The following TPD52 variants were observed in gnomAD, a reference collection of about 807,000 sequenced individuals.
TPD52 encodes prostate and colon associated protein.
A neutral mutation model predicts 31.3 loss-of-function variants in TPD52; 17 were observed. The observed-to-expected ratio is 0.54, with a 90% CI of 0.37 to 0.82. TPD52 has a LOEUF of 0.82. TPD52 is among the 40% of genes least tolerant of loss of function. The pLI, the probability that TPD52 is intolerant of heterozygous loss-of-function variation, is 0.00. For synonymous variants in TPD52, 83 were observed against 89.6 expected, an observed-to-expected ratio of 0.93 and a Z score of 0.42; for missense variants, 212 against 240.1, an observed-to-expected ratio of 0.88 and a Z score of 0.77.
intron 1 of TPD52, among the ~76,000 whole-genome samples, chr8:80,072,741 A>G (rs1349123970): frequency 2.1e-5 from 3 of 141,936 alleles, no homozygotes; most frequent in South Asian, 2.1e-4. Flanking sequence ...ATATATATAC[A>G]CACACATATA....
chr8:80,119,025 C>G (rs1273857373), intron 1 of TPD52, among the ~76,000 whole-genome samples: 2 of 152,154 alleles, frequency 1.3e-5, no homozygotes, highest in Non-Finnish European at 2.9e-5. Context: ...AAATGTCCAT[C>G]AACTGATGAC....
intron 1 of TPD52, among the ~76,000 whole-genome samples, chr8:80,104,930 C>T (rs1806998626): frequency 6.6e-6 from 1 of 151,850 alleles, no homozygotes; most frequent in Non-Finnish European, 1.5e-5. Context: ...CATGAGGGCG[C>T]ACACCTGTAA....
At chr8:80,135,575 G>A (rs556470197) in intron 1 of TPD52, among the ~76,000 whole-genome samples, 107 of 151,842 alleles carry the variant, frequency 7.0e-4, no homozygotes, top group South Asian at 2.3e-3. Flanking sequence ...TCAGTGTGGC[G>A]ATTCCTCAGG....
intron 1 of TPD52, among the ~76,000 whole-genome samples, chr8:80,097,962 G>A (rs1806456881): frequency 6.6e-6 from 1 of 152,138 alleles, no homozygotes; most frequent in African/African-American, 2.4e-5. Flanking sequence ...CATTTCAAAA[G>A]TTCTAAAGCC....
intron 1 of TPD52, among the ~76,000 whole-genome samples, chr8:80,144,956 A>C (rs763361268): frequency 1.3e-5 from 2 of 152,004 alleles, no homozygotes; most frequent in African/African-American, 2.4e-5. Flanking sequence ...GGTTGTGTGG[A>C]AAGGATTAAG....
chr8:80,095,946 C>CTACATACATACA (rs35841969), intron 1 of TPD52, among the ~76,000 whole-genome samples: 3,344 of 150,486 alleles, frequency 0.022, 120 homozygotes, highest in African/African-American at 0.077. Flanking sequence ...GACTCCATCT[C>CTACATACATACA]TACATACATA....
intron 7 of TPD52, among the ~76,000 whole-genome samples, chr8:80,041,590 A>G (rs1448436070): frequency 6.6e-6 from 1 of 152,166 alleles, no homozygotes; most frequent in East Asian, 1.9e-4. Context: ...TGATCCTAAG[A>G]GTTGATGATT....
intron 1 of TPD52, among the ~76,000 whole-genome samples, chr8:80,078,708 G>A (rs1814877005): frequency 6.6e-6 from 1 of 152,106 alleles, no homozygotes; most frequent in South Asian, 2.1e-4. Context: ...CTAGCTACAT[G>A]AGTTTGTTTT....
rs150444672 is a variant in TPD52, at chr8:80,126,774, C to T, written c.19+44651G>A. ...CTGGGATTACAAGCATGAGCCACCA[C>T]GCCCAGCCAAAAGTTTATAATTTTG... On this transcript the variant is annotated intron_variant, in intron 1 of 7. Transcript: ENST00000518937. Among the ~76,000 whole-genome samples the T allele has an allele frequency of 4.1e-3, 625 of 152,190 alleles. 1 individual carries two copies. Among genetic ancestry groups the T allele is most frequent in the Non-Finnish European group, 7.4e-3 (505 of 68,010 alleles).
intron 1 of TPD52, among the ~76,000 whole-genome samples, chr8:80,118,255 A>G (rs540577823): frequency 2.6e-5 from 4 of 152,330 alleles, no homozygotes; most frequent in African/African-American, 9.6e-5. Context: ...GGATAGCCAC[A>G]TGCAAAAGAA....
chr8:80,084,635 C>T (rs1388022806), intron 1 of TPD52, among the ~76,000 whole-genome samples: 2 of 152,216 alleles, frequency 1.3e-5, no homozygotes, highest in Non-Finnish European at 2.9e-5. Context: ...TTCTGCTCCA[C>T]TTGTGGCTGG....
At chr8:80,170,579 T>A (rs2131296750) in intron 1 of TPD52, among the ~76,000 whole-genome samples, 1 of 152,296 alleles carries the variant, frequency 6.6e-6, no homozygotes, top group South Asian at 2.1e-4. Context: ...GTGATTCCTA[T>A]CCTCACTTCC....
chr8:80,098,326 C>A (rs1008819677), intron 1 of TPD52, among the ~76,000 whole-genome samples: 1 of 152,094 alleles, frequency 6.6e-6, no homozygotes. Flanking sequence ...AGAGATTGCT[C>A]GGGTGGGTCT....
chr8:80,094,497 T>C (rs1226489505), intron 1 of TPD52, among the ~76,000 whole-genome samples: 2 of 126,568 alleles, frequency 1.6e-5, no homozygotes, highest in East Asian at 5.1e-4. Flanking sequence ...TATGTATATA[T>C]AACATGAGGG....
At chr8:80,140,029 C>T (rs1809716268) in intron 1 of TPD52, among the ~76,000 whole-genome samples, 1 of 152,218 alleles carries the variant, frequency 6.6e-6, no homozygotes, top group Non-Finnish European at 1.5e-5. Context: ...TTTATGCTCT[C>T]AACATAATAA....
chr8:80,137,669 T>C (rs1010194786), intron 1 of TPD52, among the ~76,000 whole-genome samples: 1 of 152,204 alleles, frequency 6.6e-6, no homozygotes, highest in African/African-American at 2.4e-5. Context: ...TTTTCATAAG[T>C]ATGAAAATAA....
intron 2 of TPD52, among the ~76,000 whole-genome samples, chr8:80,055,876 C>A (rs1015731045): frequency 1.3e-5 from 2 of 151,930 alleles, no homozygotes; most frequent in African/African-American, 4.8e-5. Context: ...TATCAAAAAA[C>A]CAAAAAATAA....
At chr8:80,044,463 T>C (rs1477297138) in intron 5 of TPD52, among the ~76,000 whole-genome samples, 1 of 152,184 alleles carries the variant, frequency 6.6e-6, no homozygotes, top group African/African-American at 2.4e-5. Context: ...AAAACTAAAG[T>C]GCTTTCACCC....
In TPD52 at chr8:80,121,197, G is replaced by A. The variant is rs538910337; in HGVS notation, c.19+50228C>T. The stretch of plus-strand genomic sequence containing the variant: ...ACATATCCAAGATCATTATCAAGAC[G>A]TCAAAAGTCAACACTCTAACATTTT... On this transcript the variant is annotated intron_variant, in intron 1 of 7. Transcript: ENST00000518937. Among the ~76,000 whole-genome samples the A allele has an allele frequency of 4.3e-4, 66 of 151,848 alleles. 1 individual carries two copies. Among genetic ancestry groups the A allele is most frequent in the African/African-American group, 1.2e-3 (51 of 41,384 alleles).
Sources: allele counts gnomAD v4.1 joint callset (sites outside exome capture counted in the v4.1 genomes callset), GRCh38; gene constraint gnomAD v4.1.1; transcripts MANE v1.5; gene names NCBI Gene and HGNC (gene_info 2026-07-23, HGNC 2026-07-21).